BRD10: variants seen among roughly 807,000 people sequenced by gnomAD.
BRD10 encodes uncharacterized bromodomain-containing protein 10.
chr9:6,000,230 G>C, the BRD10 span, among the ~76,000 whole-genome samples: 1 of 151,944 alleles, frequency 6.6e-6, no homozygotes, highest in Admixed American at 6.6e-5. Flanking sequence ...ACATTCATAG[G>C]TCTCAGGTGG....
At chr9:5,930,143 G>A in the BRD10 span, among the ~76,000 whole-genome samples, 1 of 148,294 alleles carries the variant, frequency 6.7e-6, no homozygotes, top group Non-Finnish European at 1.5e-5. Flanking sequence ...TAATGGCTTT[G>A]AGATATAATT....
the BRD10 span, chr9:5,944,815 C>A: frequency 3.9e-6 from 3 of 767,646 alleles, no homozygotes; most frequent in Non-Finnish European, 6.0e-6. Context: ...TAGGAAAAAG[C>A]AGGAATAAAT....
the BRD10 span, among the ~76,000 whole-genome samples, chr9:5,970,567 GA>G: frequency 6.6e-6 from 1 of 152,038 alleles, no homozygotes; most frequent in Non-Finnish European, 1.5e-5. Flanking sequence ...AGCAACAAGA[GA>G]AAAATAGATA....
the BRD10 span, chr9:5,919,581 C>CACACACACACAA: frequency 5.9e-6 from 6 of 1,017,742 alleles, no homozygotes; most frequent in African/African-American, 9.8e-5. Context: ...CACACACACA[C>CACACACACACAA]ACAATGTATA....
At chr9:5,977,605 T>A in the BRD10 span, among the ~76,000 whole-genome samples, 1 of 152,194 alleles carries the variant, frequency 6.6e-6, no homozygotes, top group Admixed American at 6.5e-5. Flanking sequence ...CCCAGCACTT[T>A]GAGAGGCTGA....
the BRD10 span, among the ~76,000 whole-genome samples, chr9:5,993,145 A>G: frequency 6.6e-6 from 1 of 151,820 alleles, no homozygotes; most frequent in African/African-American, 2.4e-5. Flanking sequence ...GTGAAACCCC[A>G]TCTCTACTAA....
chr9:5,985,434 G>C, the BRD10 span, among the ~76,000 whole-genome samples: 2 of 152,070 alleles, frequency 1.3e-5, no homozygotes, highest in Non-Finnish European at 2.9e-5. Flanking sequence ...GAAGGCCATG[G>C]ACTGAGAAAA....
the BRD10 span, among the ~76,000 whole-genome samples, chr9:5,899,788 A>C: frequency 2.0e-5 from 3 of 152,160 alleles, no homozygotes; most frequent in Admixed American, 6.5e-5. Flanking sequence ...ACTCATCTTC[A>C]TATCTCCAGT....
chr9:6,006,151 C>T, the BRD10 span, among the ~76,000 whole-genome samples: 34 of 152,188 alleles, frequency 2.2e-4, no homozygotes, highest in Non-Finnish European at 4.0e-4. Flanking sequence ...CTACTACTTA[C>T]ATTAAAATGG....
At chr9:5,986,801 A>T in the BRD10 span, among the ~76,000 whole-genome samples, 1 of 152,200 alleles carries the variant, frequency 6.6e-6, no homozygotes, top group Admixed American at 6.5e-5. Flanking sequence ...GGGCACACAT[A>T]GATTGATTCA....
chr9:5,887,471 C>A, the BRD10 span, among the ~76,000 whole-genome samples: 3 of 152,192 alleles, frequency 2.0e-5, no homozygotes, highest in Non-Finnish European at 2.9e-5. Context: ...GACCTGGGAA[C>A]TTCACCTTGC....
chr9:5,928,966 A>T, the BRD10 span: 1 of 723,838 alleles, frequency 1.4e-6, no homozygotes, highest in Non-Finnish European at 2.4e-6. Context: ...AAACTACTAA[A>T]TGATTCCAGG....
the BRD10 span, among the ~76,000 whole-genome samples, chr9:5,927,404 C>A: frequency 7.9e-5 from 12 of 152,142 alleles, no homozygotes; most frequent in Non-Finnish European, 5.9e-5. Flanking sequence ...AGTACACAAA[C>A]ATGTTATTCT....
chr9:5,977,303 C>G, the BRD10 span, among the ~76,000 whole-genome samples: 1 of 152,166 alleles, frequency 6.6e-6, no homozygotes, highest in South Asian at 2.1e-4. Flanking sequence ...ATTATGGAAT[C>G]TAGCCTCAGA....
the BRD10 span, among the ~76,000 whole-genome samples, chr9:5,961,276 G>T: frequency 6.6e-6 from 1 of 152,052 alleles, no homozygotes; most frequent in Non-Finnish European, 1.5e-5. Flanking sequence ...TGAACAGCAA[G>T]GAAAATTTTA....
At chr9:5,892,599 G>A in the BRD10 span, 3 of 1,535,962 alleles carry the variant, frequency 2.0e-6, no homozygotes, top group South Asian at 2.3e-5. Context: ...GCCGTTTGCT[G>A]ACACAGCCTG....
the BRD10 span, among the ~76,000 whole-genome samples, chr9:5,945,744 AATTC>A: frequency 1.4e-3 from 215 of 152,190 alleles, no homozygotes; most frequent in African/African-American, 5.0e-3. Context: ...GAATTTCTCC[AATTC>A]ATTCAATATA....
At chr9:5,899,449 A>G in the BRD10 span, among the ~76,000 whole-genome samples, 1 of 152,186 alleles carries the variant, frequency 6.6e-6, no homozygotes, top group Admixed American at 6.5e-5. Flanking sequence ...AGGCAAGTCA[A>G]GTCTGGGGGC....
At chr9:5,941,442 T>C in the BRD10 span, among the ~76,000 whole-genome samples, 1 of 152,186 alleles carries the variant, frequency 6.6e-6, no homozygotes, top group Non-Finnish European at 1.5e-5. Flanking sequence ...AAACTACATA[T>C]TTATCTCAAC....
Sources: allele counts gnomAD v4.1 joint callset (sites outside exome capture counted in the v4.1 genomes callset), GRCh38; gene constraint gnomAD v4.1.1; transcripts MANE v1.5; gene names NCBI Gene and HGNC (gene_info 2026-07-23, HGNC 2026-07-21).